RAB8B: variants seen among roughly 807,000 people sequenced by gnomAD.
The protein encoded by RAB8B is ras-related protein Rab-8B.
Under a neutral mutation model 32.0 loss-of-function variants are expected in RAB8B, and 11 were observed. The observed-to-expected ratio is 0.34, with a 90% CI of 0.22 to 0.57. The LOEUF is 0.57. RAB8B is among the 20% of genes least tolerant of loss of function. The probability of loss-of-function intolerance (pLI) is 0.86; values close to 1 mark genes in which losing one functional copy is unlikely to be tolerated. For missense variants in RAB8B, 190 were observed against 258.5 expected, an observed-to-expected ratio of 0.73 and a Z score of 1.82; for synonymous variants, 103 against 89.6, an observed-to-expected ratio of 1.15 and a Z score of -0.85.
intron 1 of RAB8B, among the ~76,000 whole-genome samples, chr15:63,239,701 C>G (rs1168277288): frequency 1.3e-5 from 2 of 152,128 alleles, no homozygotes; most frequent in Non-Finnish European, 2.9e-5. Flanking sequence ...AGCCACCGCA[C>G]CTGGCCAAAT....
chr15:63,235,676 A>G (rs1266298544), intron 1 of RAB8B, among the ~76,000 whole-genome samples: 1 of 149,962 alleles, frequency 6.7e-6, no homozygotes, highest in South Asian at 2.1e-4. Flanking sequence ...AAAATATACT[A>G]TATATATTTT....
intron 1 of RAB8B, among the ~76,000 whole-genome samples, chr15:63,196,083 A>G (rs766620435): frequency 9.2e-5 from 14 of 152,342 alleles, no homozygotes; most frequent in Non-Finnish European, 2.1e-4. Flanking sequence ...TACCATTGCC[A>G]TGCTGGAAAA....
intron 1 of RAB8B, among the ~76,000 whole-genome samples, chr15:63,190,373 G>A (rs550045750): frequency 2.0e-5 from 3 of 152,206 alleles, no homozygotes; most frequent in Admixed American, 6.5e-5. Context: ...TGGAAGAAGA[G>A]TTCAAGGGAT....
At chr15:63,220,641 A>T (rs907941530) in intron 1 of RAB8B, among the ~76,000 whole-genome samples, 2 of 152,218 alleles carry the variant, frequency 1.3e-5, no homozygotes, top group African/African-American at 2.4e-5. Context: ...AGTTACCCAA[A>T]TATGTAACTT....
rs2037557436 is a variant in RAB8B at position 63,191,734 on chromosome 15, AG to A, written c.124+1987del. On this transcript the variant is annotated intron_variant, in intron 1 of 7. Coordinates refer to ENST00000321437, the MANE Select transcript of RAB8B (RefSeq NM_016530.3). ...TCCCAGAAGTATCTCCTGCCTTGAA[AG>A]TAAGTGAATCTCGCTGATGCTGTTT... is the stretch of plus-strand genomic sequence containing the variant. 2.6e-5 allele frequency among the ~76,000 whole-genome samples: 4 copies of A among 152,334 alleles called. No individual in the cohort carries two copies. The South Asian group carries it at 8.3e-4, about 32-fold the overall frequency.
At chr15:63,202,781 G>T (rs999752619) in intron 1 of RAB8B, among the ~76,000 whole-genome samples, 1 of 152,152 alleles carries the variant, frequency 6.6e-6, no homozygotes, top group African/African-American at 2.4e-5. Flanking sequence ...TAAAAACCTT[G>T]TTTGGCAAAG....
intron 1 of RAB8B, among the ~76,000 whole-genome samples, chr15:63,215,439 T>C (rs571990958): frequency 1.3e-5 from 2 of 152,236 alleles, no homozygotes; most frequent in African/African-American, 2.4e-5. Context: ...TTTATACTTA[T>C]ATAAAAATTT....
chr15:63,193,305 TC>T (rs1373326524), intron 1 of RAB8B, among the ~76,000 whole-genome samples: 10 of 152,180 alleles, frequency 6.6e-5, no homozygotes, highest in Admixed American at 6.5e-4. Flanking sequence ...TCCTTTTTGC[TC>T]TTTGAGGGGT....
At chr15:63,209,622 G>A (rs2037730797) in intron 1 of RAB8B, among the ~76,000 whole-genome samples, 1 of 151,968 alleles carries the variant, frequency 6.6e-6, no homozygotes, top group Non-Finnish European at 1.5e-5. Flanking sequence ...ATAATTTGAT[G>A]AAATAAAACC....
intron 1 of RAB8B, among the ~76,000 whole-genome samples, chr15:63,205,764 A>G (rs1386608287): frequency 1.3e-5 from 2 of 152,252 alleles, no homozygotes; most frequent in African/African-American, 4.8e-5. Context: ...TGAAACTCTC[A>G]GGTCCAGTCT....
At chr15:63,232,937 TTATAAA>T (rs141240614) in intron 1 of RAB8B, among the ~76,000 whole-genome samples, 34,828 of 151,810 alleles carry the variant, frequency 0.23, 4,260 homozygotes, top group Admixed American at 0.32. Context: ...ATTTAAATAG[TTATAAA>T]TATATCCAGC....
At chr15:63,199,679 G>A (rs1270733663) in intron 1 of RAB8B, among the ~76,000 whole-genome samples, 4 of 151,358 alleles carry the variant, frequency 2.6e-5, no homozygotes, top group African/African-American at 7.3e-5. Context: ...TTGTTTCTTT[G>A]TGGGCTTTTT....
At chr15:63,226,908 A>G (rs1479690457) in intron 1 of RAB8B, among the ~76,000 whole-genome samples, 2 of 152,152 alleles carry the variant, frequency 1.3e-5, no homozygotes, top group Non-Finnish European at 2.9e-5. Context: ...TTGCTAAACA[A>G]GGGGTGGATT....
rs948697267 is a variant in RAB8B, at chr15:63,254,424, C to A, written c.247-1083C>A. Among the ~76,000 whole-genome samples, 38 of 151,592 alleles carry A rather than the reference C, an allele frequency of 2.5e-4. 1 individual carries two copies. The highest frequency in any genetic ancestry group is 1.3e-4 in the Admixed American group (2 of 15,182). ...GTTAGCCATCTACAAGAGGAAGAGA[C>A]CTTTTCTATCTTGTTCACTGCTAGT... On this transcript the variant is annotated intron_variant, in intron 3 of 7. Coordinates refer to ENST00000321437, the MANE Select transcript of RAB8B (RefSeq NM_016530.3).
At chr15:63,241,314 A>C (rs1159762949) in intron 1 of RAB8B, among the ~76,000 whole-genome samples, 1 of 152,198 alleles carries the variant, frequency 6.6e-6, no homozygotes, top group Non-Finnish European at 1.5e-5. Context: ...GCGCCACTGC[A>C]CTCCAGCCTG....
intron 1 of RAB8B, among the ~76,000 whole-genome samples, chr15:63,208,013 T>A (rs537449622): frequency 4.6e-5 from 7 of 152,342 alleles, no homozygotes; most frequent in African/African-American, 1.7e-4. Context: ...TTGGGCAGCG[T>A]CCTTCCCGAA....
chr15:63,229,319 G>A (rs1370981999), intron 1 of RAB8B, among the ~76,000 whole-genome samples: 1 of 152,236 alleles, frequency 6.6e-6, no homozygotes, highest in Non-Finnish European at 1.5e-5. Flanking sequence ...GCCCTTCGGG[G>A]CTCAAGTTCA....
At chr15:63,246,797 T>C (rs577353476) in intron 2 of RAB8B, among the ~76,000 whole-genome samples, 130 of 152,330 alleles carry the variant, frequency 8.5e-4, no homozygotes, top group Middle Eastern at 6.8e-3. Context: ...CGCTTATCAC[T>C]TGGTTGGTTC....
chr15:63,259,731 C>A lies in RAB8B; in HGVS notation c.480+39C>A. On this transcript the variant is annotated intron_variant, in intron 6 of 7. Coordinates refer to ENST00000321437, the MANE Select transcript of RAB8B (RefSeq NM_016530.3). The surrounding 1 kb of genome is among the most constrained non-coding windows in gnomAD (Gnocchi z 4.4). Reference sequence around the variant, plus strand: ...GTTTGGTGACTGTTACGGAGCAGCACCAGTGCTTAGGGGCCTGTGTTCAAA... The same window carrying A: ...GTTTGGTGACTGTTACGGAGCAGCAACAGTGCTTAGGGGCCTGTGTTCAAA... 1.3e-6 allele frequency: 2 copies of A among 1,567,140 alleles called. No homozygotes were observed. The highest frequency in any genetic ancestry group is 1.8e-6 in the Non-Finnish European group (2 of 1,137,764).
Sources: allele counts gnomAD v4.1 joint callset (sites outside exome capture counted in the v4.1 genomes callset), GRCh38; gene constraint gnomAD v4.1.1; non-coding constraint Gnocchi (gnomAD v3.1); transcripts MANE v1.5; gene names NCBI Gene and HGNC (gene_info 2026-07-23, HGNC 2026-07-21).